The following ELMO1 variants were observed in gnomAD, a reference collection of about 807,000 sequenced individuals.
ELMO1 encodes engulfment and cell motility protein 1.
ELMO1 carries 26 observed loss-of-function variants against 98.9 expected under a neutral mutation model. The observed-to-expected ratio is 0.26, with a 90% CI of 0.19 to 0.36. ELMO1 has a LOEUF of 0.36. Among genes scored for constraint, ELMO1 ranks in the 10% least tolerant of loss-of-function variants. ELMO1 has a pLI of 1.00. For missense variants in ELMO1, 627 were observed against 935.2 expected, an observed-to-expected ratio of 0.67 and a Z score of 4.30; for synonymous variants, 346 against 346.0, an observed-to-expected ratio of 1.00 and a Z score of 0.00.
intron 15 of ELMO1, among the ~76,000 whole-genome samples, chr7:37,050,245 C>T (rs1796028439): frequency 6.6e-6 from 1 of 151,976 alleles, no homozygotes; most frequent in Admixed American, 6.6e-5. Flanking sequence ...GCTAATTTTT[C>T]ATATTTCTAG....
chr7:37,077,270 A>T (rs1055411894), intron 15 of ELMO1, among the ~76,000 whole-genome samples: 1 of 152,264 alleles, frequency 6.6e-6, no homozygotes, highest in Non-Finnish European at 1.5e-5. Context: ...GATTAAGCCC[A>T]GGTCTCAGGG....
intron 16 of ELMO1, among the ~76,000 whole-genome samples, chr7:37,012,027 G>T (rs1010752711): frequency 1.3e-5 from 2 of 152,168 alleles, no homozygotes; most frequent in African/African-American, 4.8e-5. Context: ...GACAGCTCTG[G>T]ATTGCAGCTT....
At chr7:37,194,111 C>A (rs1157090659) in intron 13 of ELMO1, among the ~76,000 whole-genome samples, 2 of 152,182 alleles carry the variant, frequency 1.3e-5, no homozygotes, top group African/African-American at 4.8e-5. Flanking sequence ...CCAGTTTATT[C>A]TCTGCTCTAT....
chr7:37,270,325 ATCACTGTT>A (rs1428123066), intron 5 of ELMO1: 1 of 152,232 alleles, frequency 6.6e-6, no homozygotes, highest in African/African-American at 2.4e-5. Context: ...CATTGAGCTC[ATCACTGTT>A]TTTAGGTTCA....
intron 15 of ELMO1, among the ~76,000 whole-genome samples, chr7:37,027,821 C>T (rs529305693): frequency 1.3e-5 from 2 of 149,590 alleles, no homozygotes; most frequent in East Asian, 3.9e-4. Flanking sequence ...AAGCTCCACA[C>T]AGGCACTTAA....
chr7:37,201,577 C>T (rs1427464540), intron 13 of ELMO1, among the ~76,000 whole-genome samples: 2 of 152,192 alleles, frequency 1.3e-5, no homozygotes, highest in Admixed American at 6.5e-5. Context: ...TAGTTCCTAC[C>T]GGGTCCTGAT....
chr7:36,972,174 AAG>A (rs1401465014), intron 16 of ELMO1, among the ~76,000 whole-genome samples: 10 of 152,204 alleles, frequency 6.6e-5, no homozygotes, highest in African/African-American at 2.4e-4. Flanking sequence ...TCTATTTTAC[AAG>A]AGACACCATT....
At chr7:37,077,581 T>C (rs548546786) in intron 15 of ELMO1, among the ~76,000 whole-genome samples, 5 of 152,204 alleles carry the variant, frequency 3.3e-5, no homozygotes, top group South Asian at 2.1e-4. Context: ...CATACAATGG[T>C]GATCTGAATT....
intron 16 of ELMO1, chr7:36,985,883 A>C (rs1584479554): frequency 1.0e-6 from 1 of 995,712 alleles, no homozygotes; most frequent in Non-Finnish European, 1.2e-6. Context: ...TCAGGCTGAT[A>C]ATACCGGTGG....
chr7:37,221,058 T>C (rs1793567688), intron 10 of ELMO1, among the ~76,000 whole-genome samples: 1 of 152,112 alleles, frequency 6.6e-6, no homozygotes, highest in Non-Finnish European at 1.5e-5. Flanking sequence ...AGCAGCCCTA[T>C]CGATGATTTC....
chr7:37,367,615 G>T (rs565070178), intron 1 of ELMO1, among the ~76,000 whole-genome samples: 1 of 152,166 alleles, frequency 6.6e-6, no homozygotes, highest in Non-Finnish European at 1.5e-5. Flanking sequence ...GAAGACTAAG[G>T]AAGAAAGAAT....
intron 15 of ELMO1, 57 bp downstream of exon 15, chr7:37,096,562 C>T (rs1377822197): frequency 6.7e-7 from 1 of 1,489,052 alleles, no homozygotes; most frequent in Non-Finnish European, 9.4e-7. Context: ...AGGGGCACAA[C>T]CCTGGAAGCT....
intron 1 of ELMO1, among the ~76,000 whole-genome samples, chr7:37,370,302 A>C (rs1172658824): frequency 6.6e-6 from 1 of 152,102 alleles, no homozygotes; most frequent in Non-Finnish European, 1.5e-5. Flanking sequence ...TTTGGGGCCC[A>C]TTCATTTACG....
chr7:37,289,382 G>C (rs1249119154), intron 4 of ELMO1, among the ~76,000 whole-genome samples: 1 of 152,100 alleles, frequency 6.6e-6, no homozygotes, highest in Non-Finnish European at 1.5e-5. Context: ...AGAGAGAGTT[G>C]AGATATATTT....
chr7:36,926,805 G>A (rs1229539116), intron 16 of ELMO1, among the ~76,000 whole-genome samples: 3 of 152,116 alleles, frequency 2.0e-5, no homozygotes, highest in Non-Finnish European at 4.4e-5. Context: ...TGATACTCAT[G>A]ATTTATATTT....
intron 7 of ELMO1, among the ~76,000 whole-genome samples, chr7:37,238,226 C>T (rs570031266): frequency 6.6e-6 from 1 of 152,188 alleles, no homozygotes; most frequent in South Asian, 2.1e-4. Flanking sequence ...TTTATTTCCC[C>T]TCATTTATTT....
chr7:37,250,267 GAAT>G (rs1795271603), intron 6 of ELMO1, among the ~76,000 whole-genome samples: 1 of 151,948 alleles, frequency 6.6e-6, no homozygotes, highest in African/African-American at 2.4e-5. Flanking sequence ...TGACAGGGGA[GAAT>G]AATATTTAAT....
chr7:37,393,127 A>C (rs10264094), intron 1 of ELMO1, among the ~76,000 whole-genome samples: 19,370 of 152,254 alleles, frequency 0.13, 1,465 homozygotes, highest in African/African-American at 0.2. Context: ...CTTGTTCATT[A>C]ATTTTTATTC....
At chr7:37,127,019 A>T (rs1786571298) in intron 14 of ELMO1, among the ~76,000 whole-genome samples, 1 of 152,208 alleles carries the variant, frequency 6.6e-6, no homozygotes, top group African/African-American at 2.4e-5. Flanking sequence ...TAACTTTTTT[A>T]GAGCCTGGGA....
Sources: gnomAD v4.1 joint callset for allele counts (sites outside exome capture counted in the v4.1 genomes callset) on GRCh38, gnomAD v4.1.1 for gene constraint, MANE v1.5 for transcripts, NCBI Gene and HGNC (gene_info 2026-07-23, HGNC 2026-07-21) for gene names.